PSD2: variants seen among roughly 807,000 people sequenced by gnomAD.
PSD2 encodes pleckstrin and Sec7 domain containing 2.
In PSD2, 38 loss-of-function variants were observed where a neutral mutation model predicts 69.8. The observed-to-expected ratio is 0.54, with a 90% CI of 0.42 to 0.71. The LOEUF is 0.71. Among genes scored for constraint, PSD2 ranks in the 30% least tolerant of loss-of-function variants. PSD2 has a pLI of 0.00. For synonymous variants in PSD2, 412 were observed against 423.0 expected (o/e 0.97, Z 0.32); for missense variants, 943 against 1,014.5 (o/e 0.93, Z 0.96).
At chr5:139,833,351 C>T (rs1760638972) in intron 7 of PSD2, among the ~76,000 whole-genome samples, 1 of 152,036 alleles carries the variant, frequency 6.6e-6, no homozygotes, top group African/African-American at 2.4e-5. Flanking sequence ...AAACAGGCAC[C>T]TCACCTCCTC....
chr5:139,786,254 G>A, the PSD2 span, among the ~76,000 whole-genome samples: 8 of 152,096 alleles, frequency 5.3e-5, no homozygotes, highest in Admixed American at 1.3e-4. Context: ...GTGTGGTGGC[G>A]GGTGCCTGTA....
the PSD2 span, among the ~76,000 whole-genome samples, chr5:139,761,910 A>G: frequency 2.0e-5 from 3 of 152,256 alleles, no homozygotes; most frequent in Admixed American, 1.3e-4. Flanking sequence ...GCAGCTGTCC[A>G]GGAGTACCTC....
the PSD2 span, among the ~76,000 whole-genome samples, chr5:139,757,789 G>A: frequency 5.7e-3 from 870 of 152,272 alleles, 7 homozygotes; most frequent in African/African-American, 0.019. Context: ...CCTCTCCCCA[G>A]CATACCCTAG....
At chr5:139,820,233 T>A (rs772793104) in intron 5 of PSD2, among the ~76,000 whole-genome samples, 9 of 151,538 alleles carry the variant, frequency 5.9e-5, no homozygotes, top group Non-Finnish European at 1.3e-4. Context: ...GAGTTTGGGC[T>A]GGGGAGTAGG....
At chr5:139,809,236 C>T (rs576373237) in intron 1 of PSD2, among the ~76,000 whole-genome samples, 155 bp from the exon 2 acceptor site, 10 of 152,280 alleles carry the variant, frequency 6.6e-5, no homozygotes, top group African/African-American at 2.2e-4. Flanking sequence ...CAGCATGGCC[C>T]GAACCCACAC....
intron 1 of PSD2, among the ~76,000 whole-genome samples, chr5:139,796,222 G>C (rs1194259550): frequency 6.6e-6 from 1 of 152,244 alleles, no homozygotes; most frequent in African/African-American, 2.4e-5. Flanking sequence ...CTGGGCCGGG[G>C]AGAGGGGGCG....
At chr5:139,800,072 C>T (rs1281208614) in intron 1 of PSD2, among the ~76,000 whole-genome samples, 1 of 152,222 alleles carries the variant, frequency 6.6e-6, no homozygotes, top group Admixed American at 6.5e-5. Flanking sequence ...GGGCTTCAGG[C>T]ACCAGCAGGG....
In PSD2 at chr5:139,809,477, G is replaced by A; in HGVS notation, c.37G>A (p.Glu13Lys). 2 of 1,612,674 alleles carry A rather than the reference G, an allele frequency of 1.2e-6. No individual in the cohort carries two copies. Among genetic ancestry groups the A allele is most frequent in the Non-Finnish European group, 1.7e-6 (2 of 1,179,544 alleles). The part of the protein sequence containing the change: ...EDKLLSAVPE[E>K]GDATRDPGPE... ...CAAGCTCTTATCTGCAGTGCCTGAG[G>A]AAGGCGATGCCACCCGTGACCCCGG... The change falls in exon 2 of 15, where the codon GAA becomes AAA. Residue 13 changes from glutamate (E) to lysine (K), a missense_variant. Physicochemically the swap from Glu to Lys is moderately conservative, Grantham distance 56 (BLOSUM62 1). This residue lies in a region of PSD2 where 466 missense variants were observed against 445.0 expected (regional missense o/e 1.05). Coordinates refer to ENST00000274710, the MANE Select transcript of PSD2 (RefSeq NM_032289.4).
At chr5:139,764,228 G>A in the PSD2 span, among the ~76,000 whole-genome samples, 2 of 152,230 alleles carry the variant, frequency 1.3e-5, no homozygotes, top group African/African-American at 4.8e-5. Flanking sequence ...GAGGGGGGCA[G>A]TGCAGCGTCC....
chr5:139,782,331 C>G, the PSD2 span, among the ~76,000 whole-genome samples: 6 of 149,230 alleles, frequency 4.0e-5, no homozygotes, highest in Admixed American at 6.7e-5. Context: ...TTACAGGTGC[C>G]CACTACCATG....
rs1037301840 is a variant in PSD2 at position 139,842,846 on chromosome 5, CAGGTCTTGACTCT to C, written c.*379_*391del. Reference sequence around the variant, plus strand: ...TCCTCATCTTTTTTGTGTGTGAGGGCAGGTCTTGACTCTAGGTCTCAGCTGGAACCCCACCCTT... The same window carrying C: ...TCCTCATCTTTTTTGTGTGTGAGGGCAGGTCTCAGCTGGAACCCCACCCTT... On this transcript the variant is annotated 3_prime_UTR_variant, in exon 15 of 15. Coordinates refer to ENST00000274710, the MANE Select transcript of PSD2 (RefSeq NM_032289.4). 1.0e-4 allele frequency: 19 copies of C among 186,400 alleles called. No homozygotes were observed. In the Middle Eastern group the frequency reaches 6.5e-3, roughly 64 times the overall value. 11.5% of individuals were successfully genotyped at this position (186,400 alleles called of 1,614,324 possible). A position where few individuals can be genotyped will look rare whatever the true frequency, so the allele number is the denominator to read the frequency against.
intron 5 of PSD2, among the ~76,000 whole-genome samples, chr5:139,819,834 T>C (rs1017414452): frequency 6.6e-6 from 1 of 152,062 alleles, no homozygotes; most frequent in African/African-American, 2.4e-5. Context: ...TTCAGCGGGG[T>C]CAGCTCATGA....
Position 139,835,769 on chromosome 5 carries a change from G to A in PSD2, c.1403+3G>A, listed in dbSNP as rs1452000474. 6 of 1,613,980 alleles carry A rather than the reference G, an allele frequency of 3.7e-6. No individual in the cohort carries two copies. The highest frequency in any genetic ancestry group is 8.5e-7 in the Non-Finnish European group (1 of 1,179,868). On this transcript the variant is annotated splice_donor_region_variant and intron_variant, in intron 9 of 14. Coordinates refer to ENST00000274710, the MANE Select transcript of PSD2 (RefSeq NM_032289.4). ...AATGAAAAGCTGGAATGGGCCATGT[G>A]AGTAGTGACGATGGGCACAGGTATG...
chr5:139,797,207 G>A (rs1212852079), intron 1 of PSD2, among the ~76,000 whole-genome samples: 3 of 152,230 alleles, frequency 2.0e-5, no homozygotes, highest in African/African-American at 7.2e-5. Flanking sequence ...TGTCCTCCCA[G>A]CAGCCCCTTT....
intron 7 of PSD2, among the ~76,000 whole-genome samples, chr5:139,824,840 C>T (rs7731984): frequency 0.3 from 46,285 of 151,938 alleles, 8,021 homozygotes; most frequent in African/African-American, 0.48. Flanking sequence ...CTCCTCCCCT[C>T]CCACGTCACT....
chr5:139,829,704 A>G (rs1216713541), intron 7 of PSD2, among the ~76,000 whole-genome samples: 1 of 152,156 alleles, frequency 6.6e-6, no homozygotes, highest in African/African-American at 2.4e-5. Context: ...CATTGTATGG[A>G]TATGCCACAT....
chr5:139,807,358 TC>T (rs1561593850), intron 1 of PSD2, among the ~76,000 whole-genome samples: 1 of 90,512 alleles, frequency 1.1e-5, no homozygotes, highest in Non-Finnish European at 2.3e-5. Context: ...ATGCCCCCCC[TC>T]CCCCCGCTCA....
intron 14 of PSD2, among the ~76,000 whole-genome samples, chr5:139,840,902 T>C (rs2126972400): frequency 6.6e-6 from 1 of 152,276 alleles, no homozygotes; most frequent in Admixed American, 6.5e-5. Flanking sequence ...CAGTAAGACA[T>C]GTAATATAAA....
the PSD2 span, among the ~76,000 whole-genome samples, chr5:139,769,078 C>T: frequency 6.6e-6 from 1 of 152,078 alleles, no homozygotes; most frequent in Non-Finnish European, 1.5e-5. Context: ...GTTGGAGAAG[C>T]ACAGGGCCTG....
Sources: allele counts gnomAD v4.1 joint callset (sites outside exome capture counted in the v4.1 genomes callset), GRCh38; gene constraint gnomAD v4.1.1; regional missense constraint gnomAD v4.1.1; transcripts MANE v1.5; gene names NCBI Gene and HGNC (gene_info 2026-07-23, HGNC 2026-07-21).